Variants in PDE9A observed in about 807,000 individuals in gnomAD.
PDE9A encodes the protein phosphodiesterase 9A.
PDE9A carries 60 observed loss-of-function variants against 87.4 expected under a neutral mutation model. The observed-to-expected ratio is 0.69, with a 90% CI of 0.56 to 0.85. The LOEUF (loss-of-function observed/expected upper bound fraction) is 0.85. Ranked by LOEUF, PDE9A falls within the 40% of genes least tolerant of loss-of-function variation. The pLI, the probability that PDE9A is intolerant of heterozygous loss-of-function variation, is 0.00. For synonymous variants in PDE9A, 272 were observed against 279.4 expected (o/e 0.97, Z 0.27); for missense variants, 665 against 779.0 (o/e 0.85, Z 1.74).
chr21:42,769,824 TC>T (rs1461701613), intron 17 of PDE9A, among the ~76,000 whole-genome samples: 2 of 152,000 alleles, frequency 1.3e-5, no homozygotes, highest in African/African-American at 4.8e-5. Context: ...AGCAGCCTCT[TC>T]CCCGGCTGTC....
chr21:42,667,188 T>G (rs533778728), intron 1 of PDE9A, among the ~76,000 whole-genome samples: 2 of 152,090 alleles, frequency 1.3e-5, no homozygotes, highest in Non-Finnish European at 2.9e-5. Flanking sequence ...TTTGAGGAGG[T>G]TGGCTGGAGA....
At chr21:42,687,286 G>A (rs1056971492) in intron 2 of PDE9A, among the ~76,000 whole-genome samples, 1 of 152,300 alleles carries the variant, frequency 6.6e-6, no homozygotes, top group South Asian at 2.1e-4. Context: ...CCCATGGTCT[G>A]GGGCATCTTT....
In PDE9A at chr21:42,705,227, G is replaced by C. The variant is rs777299707; in HGVS notation, c.262+6216G>C. On this transcript the variant is annotated intron_variant, in intron 4 of 19. Transcript: ENST00000291539. The surrounding 1 kb of genome is among the most constrained non-coding windows in gnomAD (Gnocchi z 4.3). ...AATGGATAGAGCATTTATCCCTTTT[G>C]TGACTAAAATAAAGGTAATAGCAAC... 6.6e-6 allele frequency among the ~76,000 whole-genome samples: 1 copy of C among 152,204 alleles called. No homozygotes were observed. Among genetic ancestry groups the C allele is most frequent in the Non-Finnish European group, 1.5e-5 (1 of 68,034 alleles).
At chr21:42,731,623 G>T (rs575545539) in intron 4 of PDE9A, 147 bp from the exon 5 acceptor site, 3 of 800,340 alleles carry the variant, frequency 3.7e-6, no homozygotes, top group African/African-American at 1.7e-5. Context: ...TGCCTCCCCC[G>T]TGCAGACCCG....
chr21:42,736,841 C>T (rs899577722), intron 7 of PDE9A, among the ~76,000 whole-genome samples: 2 of 152,220 alleles, frequency 1.3e-5, no homozygotes, highest in Non-Finnish European at 2.9e-5. Context: ...TGGCTTTGGG[C>T]TCATCCTCCC....
At chr21:42,735,761 T>C (rs2052336540) in intron 7 of PDE9A, among the ~76,000 whole-genome samples, 1 of 152,146 alleles carries the variant, frequency 6.6e-6, no homozygotes, top group African/African-American at 2.4e-5. Context: ...ATGGATTATA[T>C]CTGCCAAGGA....
intron 10 of PDE9A, among the ~76,000 whole-genome samples, chr21:42,756,017 C>A (rs1259452867): frequency 6.6e-6 from 1 of 152,234 alleles, no homozygotes; most frequent in African/African-American, 2.4e-5. Flanking sequence ...ATAGAAAGGC[C>A]ACCTCTCTGT....
In PDE9A at chr21:42,698,504, G is replaced by GC. The variant is rs1001027885; in HGVS notation, c.219-464_219-463insC. ...GCTGGGCCTCGTGATGATGGGGGGA[G>GC]GGGGGTTGACATCACAGAGATCCCA... On this transcript the variant is annotated intron_variant, in intron 3 of 19. Coordinates refer to ENST00000291539, the MANE Select transcript of PDE9A (RefSeq NM_002606.3). 3.8e-3 allele frequency among the ~76,000 whole-genome samples: 577 copies of GC among 151,306 alleles called. 3 individuals are homozygous for GC. The highest frequency in any genetic ancestry group is 0.012 in the African/African-American group (486 of 41,110).
chr21:42,687,851 G>A (rs1010232007), intron 2 of PDE9A, 66 bp from the exon 3 acceptor site: 35 of 1,362,408 alleles, frequency 2.6e-5, no homozygotes, highest in Non-Finnish European at 3.6e-5. Flanking sequence ...GGCCCCATGT[G>A]TACATTCAAG....
At chr21:42,750,935 G>A (rs1432361475) in intron 8 of PDE9A, among the ~76,000 whole-genome samples, 181 bp from the exon 9 acceptor site, 1 of 151,930 alleles carries the variant, frequency 6.6e-6, no homozygotes, top group Non-Finnish European at 1.5e-5. Context: ...TGAGGTCAGA[G>A]GTCAGACAGG....
chr21:42,684,805 A>G (rs1219887314), intron 1 of PDE9A, among the ~76,000 whole-genome samples: 1 of 152,030 alleles, frequency 6.6e-6, no homozygotes, highest in African/African-American at 2.4e-5. Flanking sequence ...CCTTTGACCG[A>G]CCGTTACCCC....
In PDE9A at chr21:42,687,932, C is replaced by T. The variant is rs760795680; in HGVS notation, c.156C>T (p.Ser52=). Reference sequence around the variant, plus strand: ...TGTTTTCCAGGAACACGACCATCTCCCTGCTGACCACCGACGACGCCATGG... The same window carrying T: ...TGTTTTCCAGGAACACGACCATCTCTCTGCTGACCACCGACGACGCCATGG... ...ATGLPRNTTI[S]LLTTDDAMVS... Residue 52 remains serine (S), a synonymous_variant, in exon 3 of 20, where the codon TCC becomes TCT. Transcript: ENST00000291539. 19 of 1,613,070 alleles carry T rather than the reference C, an allele frequency of 1.2e-5. 1 individual carries two copies. In the South Asian group the frequency reaches 1.9e-4, roughly 16 times the overall value.
At chr21:42,691,857 A>G (rs1413033234) in intron 3 of PDE9A, among the ~76,000 whole-genome samples, 1 of 151,210 alleles carries the variant, frequency 6.6e-6, no homozygotes, top group Admixed American at 6.6e-5. Context: ...AAAGTCACCC[A>G]GCCCATCACC....
chr21:42,700,515 T>C (rs1231668259), intron 4 of PDE9A, among the ~76,000 whole-genome samples: 2 of 152,182 alleles, frequency 1.3e-5, no homozygotes, highest in Non-Finnish European at 2.9e-5. Flanking sequence ...ACGACCAGCC[T>C]GGGTGTGGTG....
intron 4 of PDE9A, among the ~76,000 whole-genome samples, chr21:42,709,554 C>T (rs77119463): frequency 3.3e-5 from 5 of 152,200 alleles, no homozygotes; most frequent in African/African-American, 7.2e-5. Context: ...CCCCGTACCC[C>T]CTTCAAGGCA....
At chr21:42,748,979 A>AT (rs1160181824) in intron 8 of PDE9A, among the ~76,000 whole-genome samples, 2 of 152,174 alleles carry the variant, frequency 1.3e-5, no homozygotes, top group African/African-American at 4.8e-5. Context: ...TCCTAATGGC[A>AT]TAATAGTCCA....
intron 9 of PDE9A, 129 bp from the exon 10 acceptor site, chr21:42,753,861 C>CAA (rs57957426): frequency 0.024 from 10,414 of 430,016 alleles, 78 homozygotes; most frequent in South Asian, 0.031. Flanking sequence ...GACTCTATCT[C>CAA]AAAAAAAAAA....
chr21:42,671,094 C>T (rs1433582729), intron 1 of PDE9A, among the ~76,000 whole-genome samples: 2 of 152,038 alleles, frequency 1.3e-5, no homozygotes, highest in Non-Finnish European at 2.9e-5. Flanking sequence ...TCCAGAGAAC[C>T]GCGTGGAAAC....
At chr21:42,750,876 C>T (rs915285114) in intron 8 of PDE9A, among the ~76,000 whole-genome samples, 3 of 152,136 alleles carry the variant, frequency 2.0e-5, no homozygotes, top group East Asian at 1.9e-4. Flanking sequence ...TGAGCCACCA[C>T]GCCCAGCCCC....
Sources: gnomAD v4.1 joint callset for allele counts (sites outside exome capture counted in the v4.1 genomes callset) on GRCh38, gnomAD v4.1.1 for gene constraint, Gnocchi (gnomAD v3.1) non-coding constraint, MANE v1.5 for transcripts, NCBI Gene and HGNC (gene_info 2026-07-23, HGNC 2026-07-21) for gene names.